The following PHIP variants were observed in gnomAD, a reference collection of about 807,000 sequenced individuals.
The protein encoded by PHIP is PHIP subunit of CUL4-Ring ligase complex.
A neutral mutation model predicts 236.8 loss-of-function variants in PHIP; 54 were observed. That is an observed-to-expected ratio of 0.23 (90% CI 0.18 to 0.29). The LOEUF (loss-of-function observed/expected upper bound fraction) is 0.29. Ranked by LOEUF, PHIP falls within the 10% of genes least tolerant of loss-of-function variation. PHIP has a pLI of 1.00. For missense variants in PHIP, 1,370 were observed against 2,190.8 expected (o/e 0.63, Z 7.48); for synonymous variants, 756 against 718.9 (o/e 1.05, Z -0.83).
At chr6:78,995,866 G>T (rs9359361) in intron 19 of PHIP, among the ~76,000 whole-genome samples, 1 of 152,002 alleles carries the variant, frequency 6.6e-6, no homozygotes, top group Non-Finnish European at 1.5e-5. Flanking sequence ...CCACTGGAGA[G>T]ATTCTTAGGA....
chr6:78,984,877 A>C (rs1318833882), intron 22 of PHIP, among the ~76,000 whole-genome samples: 1 of 152,206 alleles, frequency 6.6e-6, no homozygotes, highest in Non-Finnish European at 1.5e-5. Context: ...CAAGGTCATA[A>C]GCTCTGCAAC....
intron 6 of PHIP, among the ~76,000 whole-genome samples, chr6:79,059,622 T>TAC (rs1773261438): frequency 1.2e-5 from 1 of 83,354 alleles, no homozygotes. Flanking sequence ...TATATATATA[T>TAC]ATAAAAATGC....
intron 7 of PHIP, among the ~76,000 whole-genome samples, chr6:79,035,705 T>C (rs987815933): frequency 6.6e-6 from 1 of 152,178 alleles, no homozygotes; most frequent in Non-Finnish European, 1.5e-5. Context: ...AAAAATGTTG[T>C]CTGTATTGTC....
chr6:78,936,979 G>A lies in PHIP; in HGVS notation c.*3714C>T, dbSNP rs1460802963. ...AATGGGAAAATAAATTCTTGCCTAA[G>A]TGTAACAAAACCACTGCTCAATCTG... On this transcript the variant is annotated 3_prime_UTR_variant, in exon 40 of 40. Transcript: ENST00000275034. 1 of 151,758 alleles carries A rather than the reference G, an allele frequency of 6.6e-6. No homozygotes were observed. The highest frequency in any genetic ancestry group is 1.5e-5 in the Non-Finnish European group (1 of 67,714). The allele number at this position is 151,758 out of a possible 1,614,324, so 9.4% of individuals were successfully genotyped here. A position where few individuals can be genotyped will look rare whatever the true frequency, so the allele number is the denominator to read the frequency against.
At chr6:79,062,210 C>G (rs970064339) in intron 4 of PHIP, among the ~76,000 whole-genome samples, 3 of 152,152 alleles carry the variant, frequency 2.0e-5, no homozygotes, top group Non-Finnish European at 4.4e-5. Flanking sequence ...ATTGAAGTCT[C>G]TGAAAAATCC....
Position 79,060,678 on chromosome 6 carries a change from G to T in PHIP, c.330C>A (p.Arg110=), listed in dbSNP as rs1420077951. Reference sequence around the variant, plus strand: ...AGAAAATTTTCATACTTTTATTTGTGCGTAGTAAAGACTGTCTTCCAGCTC... The same window carrying T: ...AGAAAATTTTCATACTTTTATTTGTTCGTAGTAAAGACTGTCTTCCAGCTC... ...LLGAGRQSLL[R]TNKSCKHVVW... Residue 110 remains arginine, a synonymous_variant, in exon 5 of 40, where the codon CGC becomes CGA. Coordinates refer to ENST00000275034, the MANE Select transcript of PHIP (RefSeq NM_017934.7). 5 of 1,611,150 alleles carry T rather than the reference G, an allele frequency of 3.1e-6. No homozygotes were observed. The African/African-American group carries it at 6.7e-5, about 22-fold the overall frequency.
intron 27 of PHIP, among the ~76,000 whole-genome samples, chr6:78,967,727 C>T (rs2127702773): frequency 6.6e-6 from 1 of 152,220 alleles, no homozygotes; most frequent in African/African-American, 2.4e-5. Context: ...TGTGATTTGT[C>T]CAATGTTAGC....
At chr6:78,961,015 TTAAAAC>T (rs1486423344) in intron 31 of PHIP, among the ~76,000 whole-genome samples, 78 of 152,150 alleles carry the variant, frequency 5.1e-4, no homozygotes, top group Non-Finnish European at 9.6e-4. Context: ...ATGATAAAAA[TTAAAAC>T]TAAAAACAGG....
intron 15 of PHIP, among the ~76,000 whole-genome samples, chr6:79,008,075 G>GA (rs1288265816): frequency 1.3e-5 from 2 of 151,622 alleles, no homozygotes; most frequent in African/African-American, 4.9e-5. Flanking sequence ...GAAATCACCT[G>GA]AACCCGGGAG....
At chr6:78,954,704 A>C (rs1410776425) in intron 35 of PHIP, 110 bp downstream of exon 35, 6 of 700,376 alleles carry the variant, frequency 8.6e-6, no homozygotes, top group East Asian at 3.1e-5. Context: ...CATGTATAAA[A>C]TAATAAAGAA....
At chr6:79,001,088 T>C (rs937645311) in intron 17 of PHIP, among the ~76,000 whole-genome samples, 1 of 152,228 alleles carries the variant, frequency 6.6e-6, no homozygotes, top group East Asian at 1.9e-4. Flanking sequence ...GAAGCTTTTG[T>C]CGATTGAAGT....
chr6:79,077,746 G>T lies in PHIP; in HGVS notation c.100-17C>A. The T allele has an allele frequency of 2.0e-6, 2 of 1,003,702 alleles. No individual in the cohort carries two copies. The highest frequency in any genetic ancestry group is 9.9e-4 in the Middle Eastern group (2 of 2,014). 62.2% of individuals were successfully genotyped at this position (1,003,702 alleles called of 1,614,324 possible). ...GATCAGCACCTGCAACAACAAAGCG[G>T]GGAGAGCTGAGCCCCGCGCCCCGGG... On this transcript the variant is annotated splice_polypyrimidine_tract_variant and intron_variant, in intron 2 of 39. Transcript: ENST00000275034.
intron 31 of PHIP, among the ~76,000 whole-genome samples, chr6:78,960,819 T>C (rs1041886057): frequency 5.9e-5 from 9 of 151,906 alleles, no homozygotes; most frequent in African/African-American, 2.2e-4. Flanking sequence ...AGAAATAAAA[T>C]TTAAGTCATA....
intron 25 of PHIP, among the ~76,000 whole-genome samples, chr6:78,970,411 G>A (rs1027891682): frequency 6.6e-6 from 1 of 152,062 alleles, no homozygotes; most frequent in African/African-American, 2.4e-5. Context: ...CTTTACTAAA[G>A]TATAGTTACT....
intron 31 of PHIP, among the ~76,000 whole-genome samples, chr6:78,960,329 C>A (rs1582111742): frequency 6.6e-6 from 1 of 152,158 alleles, no homozygotes; most frequent in East Asian, 1.9e-4. Flanking sequence ...TGTATGTATA[C>A]AAATAGTTCT....
At chr6:78,995,328 T>C (rs761622782) in intron 19 of PHIP, among the ~76,000 whole-genome samples, 5 of 152,244 alleles carry the variant, frequency 3.3e-5, no homozygotes, top group Admixed American at 6.5e-5. Context: ...TATACATTTA[T>C]GTTCAGGTTT....
At chr6:79,004,991 C>T (rs9443637) in intron 15 of PHIP, among the ~76,000 whole-genome samples, 78,196 of 151,802 alleles carry the variant, frequency 0.52, 20,440 homozygotes, top group East Asian at 0.69. Flanking sequence ...ACAAATGGGA[C>T]TGCCTCAAAA....
intron 15 of PHIP, among the ~76,000 whole-genome samples, chr6:79,010,934 A>G (rs1001724575): frequency 6.6e-6 from 1 of 151,918 alleles, no homozygotes; most frequent in African/African-American, 2.4e-5. Context: ...ATATTTAGGA[A>G]CATTTAAGGT....
chr6:79,077,375 A>G, intron 4 of PHIP, 73 bp downstream of exon 4: 2 of 1,392,254 alleles, frequency 1.4e-6, no homozygotes, highest in South Asian at 2.3e-5. Context: ...TGTCTCTGTA[A>G]AAAATTGCGG....
Sources: gnomAD v4.1 joint callset for allele counts (sites outside exome capture counted in the v4.1 genomes callset) on GRCh38, gnomAD v4.1.1 for gene constraint, MANE v1.5 for transcripts, NCBI Gene and HGNC (gene_info 2026-07-23, HGNC 2026-07-21) for gene names.